TNRC6A: variants seen among roughly 807,000 people sequenced by gnomAD.
TNRC6A encodes the protein trinucleotide repeat-containing gene 6A protein.
Under a neutral mutation model 221.2 loss-of-function variants are expected in TNRC6A, and 44 were observed. That is an observed-to-expected ratio of 0.20 (90% confidence interval 0.16 to 0.26). The LOEUF is 0.26. Among genes scored for constraint, TNRC6A ranks in the 10% least tolerant of loss-of-function variants. TNRC6A has a pLI of 1.00. For missense variants in TNRC6A, 2,199 were observed against 2,404.4 expected, an observed-to-expected ratio of 0.91 and a Z score of 1.79; for synonymous variants, 847 against 838.5, an observed-to-expected ratio of 1.01 and a Z score of -0.18.
chr16:24,736,228 C>T (rs532648244), intron 2 of TNRC6A, among the ~76,000 whole-genome samples: 8 of 152,300 alleles, frequency 5.3e-5, no homozygotes, highest in African/African-American at 1.9e-4. Context: ...GCAACTAATA[C>T]CTGTATCTCT....
chr16:24,634,038 C>A (rs1258350544), intron 1 of TNRC6A, among the ~76,000 whole-genome samples: 1 of 150,540 alleles, frequency 6.6e-6, no homozygotes, highest in Non-Finnish European at 1.5e-5. Flanking sequence ...CGCTTCAGCC[C>A]CCCAAAGTGC....
At chr16:24,626,051 G>C (rs1298218878) in intron 1 of TNRC6A, among the ~76,000 whole-genome samples, 1 of 152,144 alleles carries the variant, frequency 6.6e-6, no homozygotes, top group Non-Finnish European at 1.5e-5. Context: ...GGTTACATGT[G>C]CAGGTTTGTT....
At chr16:24,760,606 A>T (rs981190303) in intron 4 of TNRC6A, among the ~76,000 whole-genome samples, 6 of 151,808 alleles carry the variant, frequency 4.0e-5, no homozygotes, top group Non-Finnish European at 7.4e-5. Context: ...GTATTGTTTT[A>T]TTTCTGTGCT....
At chr16:24,643,096 A>C (rs1596580235) in intron 2 of TNRC6A, among the ~76,000 whole-genome samples, 1 of 63,180 alleles carries the variant, frequency 1.6e-5, no homozygotes. Context: ...TATATATTTT[A>C]TATATATATA....
At chr16:24,767,792 T>A (rs970238400) in intron 4 of TNRC6A, among the ~76,000 whole-genome samples, 2 of 152,230 alleles carry the variant, frequency 1.3e-5, no homozygotes, top group African/African-American at 4.8e-5. Flanking sequence ...AGTTTCTTTA[T>A]TATATAACTT....
intron 2 of TNRC6A, among the ~76,000 whole-genome samples, chr16:24,647,865 C>G (rs140104048): frequency 6.6e-6 from 1 of 152,288 alleles, no homozygotes; most frequent in East Asian, 1.9e-4. Flanking sequence ...GCTGTCTCAG[C>G]CTCCCAAAGT....
intron 18 of TNRC6A, among the ~76,000 whole-genome samples, chr16:24,810,411 A>G (rs2058519224): frequency 6.6e-6 from 1 of 152,224 alleles, no homozygotes; most frequent in Admixed American, 6.5e-5. Context: ...GGAATTGTTC[A>G]TTGTGAACGA....
chr16:24,617,937 A>G (rs1016459737), intron 1 of TNRC6A, among the ~76,000 whole-genome samples: 2 of 151,916 alleles, frequency 1.3e-5, no homozygotes, highest in Non-Finnish European at 2.9e-5. Flanking sequence ...GTCTCACTCT[A>G]TCGCCCAGGC....
At position 24,790,822 on chromosome 16, in the gene TNRC6A, C is replaced by T. The variant is rs1159877006; in HGVS notation, c.2180C>T (p.Pro727Leu). 1 of 1,613,974 alleles carries T rather than the reference C, an allele frequency of 6.2e-7. No homozygotes were observed. The highest frequency in any genetic ancestry group is 1.3e-5 in the African/African-American group (1 of 74,910). ...VLSNSGWGQTPIKQNTAWDTE... is the reference protein window; with the variant it reads ...VLSNSGWGQTLIKQNTAWDTE... ...TCCAACTCTGGTTGGGGACAGACTC[C>T]TATTAAGCAGAATACTGCCTGGGAT... The change falls in exon 6 of 25, where the codon CCT (proline) becomes CTT (leucine). Residue 727 changes from proline to leucine, a missense_variant. Pro to Leu is a moderately conservative substitution (Grantham distance 98, BLOSUM62 -3). Transcript: ENST00000395799.
intron 2 of TNRC6A, among the ~76,000 whole-genome samples, chr16:24,745,148 CT>C (rs1388344899): frequency 6.6e-6 from 1 of 152,212 alleles, no homozygotes; most frequent in African/African-American, 2.4e-5. Context: ...GTTGTCCTTA[CT>C]TTAAAAAATA....
intron 1 of TNRC6A, among the ~76,000 whole-genome samples, chr16:24,625,869 A>G (rs912583602): frequency 5.9e-5 from 9 of 152,000 alleles, no homozygotes; most frequent in African/African-American, 2.2e-4. Context: ...CCGAGATCGC[A>G]CCATTACACT....
rs760009024 is a variant in TNRC6A at position 24,790,232 on chromosome 16, T to C, written c.1590T>C (p.Ser530=). ...GGGGTGCCTATGGTTCTAATTACTC[T>C]GGAGACAAATGTTCAGGCCCTAATG... is the stretch of plus-strand genomic sequence containing the variant. ...TTWGAYGSNY[S]GDKCSGPNGQ... is the part of the protein sequence containing the mutation. Residue 530 remains serine (S), a synonymous_variant, in exon 6 of 25, where the codon TCT becomes TCC. Coordinates refer to ENST00000395799, the MANE Select transcript of TNRC6A (RefSeq NM_014494.4). 6 of 1,614,230 alleles carry C rather than the reference T, an allele frequency of 3.7e-6. No homozygotes were observed. The highest frequency in any genetic ancestry group is 1.1e-5 in the South Asian group (1 of 91,086).
intron 5 of TNRC6A, among the ~76,000 whole-genome samples, chr16:24,786,619 A>G (rs2057975581): frequency 6.6e-6 from 1 of 152,000 alleles, no homozygotes; most frequent in Non-Finnish European, 1.5e-5. Flanking sequence ...TGGCCAGTAC[A>G]GAGTACTTTT....
chr16:24,796,972 G>A (rs544316170), intron 9 of TNRC6A, among the ~76,000 whole-genome samples: 1 of 151,708 alleles, frequency 6.6e-6, no homozygotes, highest in Admixed American at 6.5e-5. Flanking sequence ...TAGAGATGTT[G>A]TGTTCTTGGC....
At chr16:24,775,772 C>T (rs2057705799) in intron 4 of TNRC6A, among the ~76,000 whole-genome samples, 1 of 152,144 alleles carries the variant, frequency 6.6e-6, no homozygotes, top group Admixed American at 6.5e-5. Flanking sequence ...AGGGTGGGAG[C>T]TCTTAACCCT....
At chr16:24,686,998 CCTGT>C (rs1374210069) in intron 2 of TNRC6A, among the ~76,000 whole-genome samples, 2 of 152,130 alleles carry the variant, frequency 1.3e-5, no homozygotes, top group Non-Finnish European at 2.9e-5. Flanking sequence ...AGTTACTTAT[CCTGT>C]CTGTTAAATG....
intron 2 of TNRC6A, among the ~76,000 whole-genome samples, chr16:24,739,664 A>C (rs2056850824): frequency 6.6e-6 from 1 of 151,944 alleles, no homozygotes; most frequent in Admixed American, 6.6e-5. Flanking sequence ...TTTTTAATAG[A>C]GACAGAATTT....
At chr16:24,610,513 T>A (rs1411530674) in intron 1 of TNRC6A, 3 of 152,272 alleles carry the variant, frequency 2.0e-5, no homozygotes, top group African/African-American at 7.2e-5. Flanking sequence ...TCAGCAATTA[T>A]CTGCGAAGCT....
In TNRC6A at chr16:24,823,949, A is replaced by G; in HGVS notation, c.*142A>G. On this transcript the variant is annotated 3_prime_UTR_variant, in exon 25 of 25. Coordinates refer to ENST00000395799, the MANE Select transcript of TNRC6A (RefSeq NM_014494.4). The surrounding 1 kb of genome is among the most constrained non-coding windows in gnomAD (Gnocchi z 4.3). Reference sequence around the variant, plus strand: ...TTCCACTTTGTTTTCCCCAAAACATATCAGTTTGAATACTTGAATCATGCA... The same window carrying G: ...TTCCACTTTGTTTTCCCCAAAACATGTCAGTTTGAATACTTGAATCATGCA... 1 of 744,888 alleles carries G rather than the reference A, an allele frequency of 1.3e-6. No homozygotes were observed. The highest frequency in any genetic ancestry group is 1.9e-6 in the Non-Finnish European group (1 of 518,938). The allele number at this position is 744,888 out of a possible 1,614,324, so 46.1% of individuals were successfully genotyped here. A position where few individuals can be genotyped will look rare whatever the true frequency, so the allele number is the denominator to read the frequency against.
Sources: allele counts gnomAD v4.1 joint callset (sites outside exome capture counted in the v4.1 genomes callset), GRCh38; gene constraint gnomAD v4.1.1; non-coding constraint Gnocchi (gnomAD v3.1); transcripts MANE v1.5; gene names NCBI Gene and HGNC (gene_info 2026-07-23, HGNC 2026-07-21).